The following NEMP2 variants were observed in gnomAD, a reference collection of about 807,000 sequenced individuals.
NEMP2 encodes the protein nuclear envelope integral membrane protein 2, also known as UPF0571 transmembrane protein.
A neutral mutation model predicts 54.2 loss-of-function variants in NEMP2; 53 were observed. The observed-to-expected ratio is 0.98, with a 90% CI of 0.78 to 1.23. NEMP2 has a LOEUF of 1.23. Ranked by LOEUF, NEMP2 falls within the 50% of genes most tolerant of loss-of-function variation. The probability of loss-of-function intolerance (pLI) is 0.00; values close to 1 mark genes in which losing one functional copy is unlikely to be tolerated. For missense variants in NEMP2, 455 were observed against 511.3 expected (o/e 0.89, Z 1.06); for synonymous variants, 197 against 190.3 (o/e 1.04, Z -0.29).
At chr2:190,481,215 A>G in the NEMP2 span, among the ~76,000 whole-genome samples, 1 of 152,364 alleles carries the variant, frequency 6.6e-6, no homozygotes, top group African/African-American at 2.4e-5. Context: ...AGGTATGCCA[A>G]AGGCATAATG....
the NEMP2 span, among the ~76,000 whole-genome samples, chr2:190,549,062 G>C: frequency 1.3e-5 from 2 of 151,670 alleles, no homozygotes; most frequent in African/African-American, 4.8e-5. Context: ...TTTTCCTTAT[G>C]ATATATCTAT....
the NEMP2 span, among the ~76,000 whole-genome samples, chr2:190,595,303 A>G: frequency 6.6e-6 from 1 of 152,210 alleles, no homozygotes; most frequent in Non-Finnish European, 1.5e-5. This position sits in a 1 kb window ranked among gnomAD's most constrained non-coding sequence, Gnocchi z 4.0. Context: ...TAAAAACCCT[A>G]GAAGAAAACC....
At chr2:190,473,515 G>C in the NEMP2 span, among the ~76,000 whole-genome samples, 1 of 152,262 alleles carries the variant, frequency 6.6e-6, no homozygotes, top group South Asian at 2.1e-4. Flanking sequence ...TCAACAAGAA[G>C]AGCTAACTAT....
At chr2:190,511,282 T>TG (rs375010969) in intron 7 of NEMP2, among the ~76,000 whole-genome samples, 151 of 152,252 alleles carry the variant, frequency 9.9e-4, no homozygotes, top group African/African-American at 3.5e-3. Context: ...ACCAAGAACC[T>TG]GGGAGGATTT....
the NEMP2 span, among the ~76,000 whole-genome samples, chr2:190,490,664 G>T: frequency 6.6e-6 from 1 of 152,170 alleles, no homozygotes; most frequent in Non-Finnish European, 1.5e-5. The surrounding 1 kb of genome is among the most constrained non-coding windows in gnomAD (Gnocchi z 4.5). Flanking sequence ...CCAAAAGGAG[G>T]TTATATCAAA....
chr2:190,568,036 A>G, the NEMP2 span: 1 of 152,202 alleles, frequency 6.6e-6, no homozygotes, highest in Non-Finnish European at 1.5e-5. The surrounding 1 kb of genome is among the most constrained non-coding windows in gnomAD (Gnocchi z 4.7). Context: ...CAAACAGAGG[A>G]ATTCAGAAAA....
chr2:190,621,802 A>G, the NEMP2 span, among the ~76,000 whole-genome samples: 3 of 152,186 alleles, frequency 2.0e-5, no homozygotes, highest in Non-Finnish European at 2.9e-5. Context: ...GAGAAAGACT[A>G]TTCTTTTTAA....
the NEMP2 span, chr2:190,648,445 C>G: frequency 6.6e-6 from 1 of 151,796 alleles, no homozygotes; most frequent in African/African-American, 2.4e-5. Context: ...CGGGCAGGGG[C>G]GCACCTGGAC....
the NEMP2 span, among the ~76,000 whole-genome samples, chr2:190,430,698 C>A: frequency 4.6e-5 from 7 of 151,728 alleles, no homozygotes; most frequent in East Asian, 1.4e-3. Flanking sequence ...GTCATCATGG[C>A]CCGTTCTCAA....
chr2:190,447,175 A>C, the NEMP2 span, among the ~76,000 whole-genome samples: 8 of 152,178 alleles, frequency 5.3e-5, no homozygotes, highest in African/African-American at 1.9e-4. The surrounding 1 kb of genome is among the most constrained non-coding windows in gnomAD (Gnocchi z 4.5). Context: ...AATTATTTTA[A>C]CACAATGAGT....
At chr2:190,545,713 G>A in the NEMP2 span, among the ~76,000 whole-genome samples, 1 of 152,238 alleles carries the variant, frequency 6.6e-6, no homozygotes, top group East Asian at 1.9e-4. Context: ...GGTGGGTGGA[G>A]GTTGGGGAAC....
At chr2:190,488,343 C>G in the NEMP2 span, among the ~76,000 whole-genome samples, 1 of 152,072 alleles carries the variant, frequency 6.6e-6, no homozygotes, top group Non-Finnish European at 1.5e-5. The surrounding 1 kb of genome is among the most constrained non-coding windows in gnomAD (Gnocchi z 6.4). Context: ...ATTCAAGAGA[C>G]AGGAAGTAGA....
chr2:190,630,375 G>A, the NEMP2 span, among the ~76,000 whole-genome samples: 8 of 151,928 alleles, frequency 5.3e-5, no homozygotes, highest in Admixed American at 3.9e-4. The surrounding 1 kb of genome is among the most constrained non-coding windows in gnomAD (Gnocchi z 5.5). Context: ...GCACCACCAC[G>A]CCCAGCTAAT....
chr2:190,571,588 T>G, the NEMP2 span, among the ~76,000 whole-genome samples: 3 of 151,988 alleles, frequency 2.0e-5, no homozygotes, highest in Non-Finnish European at 4.4e-5. Context: ...TCCTTTAGAC[T>G]CATAAGTAGC....
At chr2:190,442,875 A>G in the NEMP2 span, 1 of 152,216 alleles carries the variant, frequency 6.6e-6, no homozygotes, top group South Asian at 2.1e-4. Flanking sequence ...GGGAATGTGG[A>G]TAAGATCAAC....
the NEMP2 span, among the ~76,000 whole-genome samples, chr2:190,541,131 T>G: frequency 8.6e-5 from 13 of 151,682 alleles, no homozygotes; most frequent in Non-Finnish European, 1.6e-4. The surrounding 1 kb of genome is among the most constrained non-coding windows in gnomAD (Gnocchi z 5.2). Flanking sequence ...TGGCTAAAAG[T>G]TTGTCGATTT....
chr2:190,536,543 G>A (rs1322473800), upstream of NEMP2, among the ~76,000 whole-genome samples: 15 of 152,192 alleles, frequency 9.9e-5, no homozygotes, highest in Admixed American at 9.2e-4. Flanking sequence ...TAAGGTTCAG[G>A]TGCACAGGGC....
intron 5 of NEMP2, 124 bp from the exon 6 acceptor site, chr2:190,516,508 G>A (rs1313140043): frequency 2.9e-6 from 2 of 696,242 alleles, no homozygotes; most frequent in African/African-American, 3.6e-5. Context: ...GTCAATTTAA[G>A]AAACTCCCTA....
chr2:190,474,041 G>T, the NEMP2 span, among the ~76,000 whole-genome samples: 1 of 152,154 alleles, frequency 6.6e-6, no homozygotes, highest in Non-Finnish European at 1.5e-5. Flanking sequence ...CAATGTACCA[G>T]AATCTCTGGG....
Sources: gnomAD v4.1 joint callset for allele counts (sites outside exome capture counted in the v4.1 genomes callset) on GRCh38, gnomAD v4.1.1 for gene constraint, Gnocchi (gnomAD v3.1) non-coding constraint, MANE v1.5 for transcripts, NCBI Gene and HGNC (gene_info 2026-07-23, HGNC 2026-07-21) for gene names.